The following VTI1A variants were observed in gnomAD, a reference collection of about 807,000 sequenced individuals.
VTI1A encodes the protein vesicle transport through interaction with t-SNAREs homolog 1A.
Under a neutral mutation model 34.9 loss-of-function variants are expected in VTI1A, and 22 were observed. That is an observed-to-expected ratio of 0.63 (90% CI 0.45 to 0.90). The LOEUF (loss-of-function observed/expected upper bound fraction) is 0.90. VTI1A is among the 40% of genes least tolerant of loss of function. The pLI is 0.00. For missense variants in VTI1A, 268 were observed against 275.6 expected, an observed-to-expected ratio of 0.97 and a Z score of 0.20; for synonymous variants, 87 against 97.3, an observed-to-expected ratio of 0.89 and a Z score of 0.62.
At chr10:112,497,202 C>G (rs1325553150) in intron 3 of VTI1A, among the ~76,000 whole-genome samples, 1 of 151,940 alleles carries the variant, frequency 6.6e-6, no homozygotes, top group African/African-American at 2.4e-5. Context: ...CCTGTAATCC[C>G]AGGTACTCGG....
chr10:112,830,501 C>A, the VTI1A span, among the ~76,000 whole-genome samples: 1 of 151,446 alleles, frequency 6.6e-6, no homozygotes, highest in African/African-American at 2.4e-5. Flanking sequence ...TTCCTCCAAT[C>A]TCAAGAAGGT....
At chr10:112,549,488 G>A (rs1442184327) in intron 5 of VTI1A, among the ~76,000 whole-genome samples, 5 of 152,128 alleles carry the variant, frequency 3.3e-5, no homozygotes, top group East Asian at 1.9e-4. Context: ...AAATTGTTGC[G>A]AAAATAACAA....
At chr10:112,647,363 A>G (rs1441572979) in intron 5 of VTI1A, among the ~76,000 whole-genome samples, 1 of 152,232 alleles carries the variant, frequency 6.6e-6, no homozygotes. Flanking sequence ...CTGAATCCAT[A>G]GATATAATCA....
intron 3 of VTI1A, among the ~76,000 whole-genome samples, chr10:112,514,606 A>G (rs1275922199): frequency 6.6e-6 from 1 of 151,058 alleles, no homozygotes; most frequent in Non-Finnish European, 1.5e-5. Context: ...TTTATCTGTT[A>G]TTTTCTTTTT....
Position 112,815,557 on chromosome 10 carries a change from A to T in VTI1A, c.*174A>T, listed in dbSNP as rs1225011312. 3.3e-6 allele frequency: 2 copies of T among 602,644 alleles called. No homozygotes were observed. Among genetic ancestry groups the T allele is most frequent in the East Asian group, 5.7e-5 (2 of 35,304 alleles). The allele number at this position is 602,644 out of a possible 1,614,324, so 37.3% of individuals were successfully genotyped here. ...AAAAATATTTTCTATTCCTGTTTGCATGTGGGTTGGTTTCCTTTTCGAGGT... is the reference window on the plus strand; with the variant it reads ...AAAAATATTTTCTATTCCTGTTTGCTTGTGGGTTGGTTTCCTTTTCGAGGT... On this transcript the variant is annotated 3_prime_UTR_variant, in exon 8 of 8. Transcript: ENST00000393077.
chr10:112,492,822 G>A (rs1219650438), intron 3 of VTI1A, among the ~76,000 whole-genome samples: 1 of 150,868 alleles, frequency 6.6e-6, no homozygotes, highest in Non-Finnish European at 1.5e-5. Context: ...AATTCACATA[G>A]CATAACATTT....
chr10:112,655,580 T>TTGG (rs1367044577), intron 5 of VTI1A, among the ~76,000 whole-genome samples: 1 of 152,136 alleles, frequency 6.6e-6, no homozygotes, highest in South Asian at 2.1e-4. Flanking sequence ...AGGAAGTGTG[T>TTGG]TGGTGGTCTT....
In VTI1A at chr10:112,789,432, C is replaced by A. The variant is rs1358293208; in HGVS notation, c.561-25858C>A. Among the ~76,000 whole-genome samples the A allele has an allele frequency of 2.6e-5, 4 of 152,120 alleles. No individual in the cohort carries two copies. The East Asian group carries it at 7.7e-4, about 29-fold the overall frequency. The stretch of plus-strand genomic sequence containing the variant: ...AGCCATTAATCATATTTGTTATTTG[C>A]CTGTGCATGATGAGTCATTTTTGTC... On this transcript the variant is annotated intron_variant, in intron 7 of 7. Transcript: ENST00000393077.
intron 5 of VTI1A, among the ~76,000 whole-genome samples, chr10:112,554,773 C>G (rs939162988): frequency 6.6e-6 from 1 of 152,028 alleles, no homozygotes; most frequent in Non-Finnish European, 1.5e-5. Context: ...GAATATTTGC[C>G]TCTTCTTTCT....
intron 5 of VTI1A, among the ~76,000 whole-genome samples, chr10:112,603,373 A>G (rs544815623): frequency 1.3e-5 from 2 of 152,328 alleles, no homozygotes; most frequent in Non-Finnish European, 2.9e-5. Flanking sequence ...ATTGATATAT[A>G]GCAGAGGTAG....
chr10:112,780,685 A>G (rs1184132404), intron 7 of VTI1A, among the ~76,000 whole-genome samples: 3 of 152,160 alleles, frequency 2.0e-5, no homozygotes, highest in Non-Finnish European at 4.4e-5. Context: ...AGGAAACTAA[A>G]TATCAGTAAA....
intron 7 of VTI1A, among the ~76,000 whole-genome samples, chr10:112,809,941 G>A (rs527996012): frequency 6.6e-5 from 10 of 152,278 alleles, no homozygotes; most frequent in Admixed American, 5.9e-4. Flanking sequence ...CACATATGCC[G>A]TAGATCAAGG....
chr10:112,628,951 T>C (rs2134608657), intron 5 of VTI1A, among the ~76,000 whole-genome samples: 1 of 152,322 alleles, frequency 6.6e-6, no homozygotes, highest in Non-Finnish European at 1.5e-5. Context: ...ATTGACTCTC[T>C]TTGATACACC....
At chr10:112,764,284 G>A (rs530796367) in intron 7 of VTI1A, among the ~76,000 whole-genome samples, 13 of 152,236 alleles carry the variant, frequency 8.5e-5, no homozygotes, top group South Asian at 4.2e-4. Context: ...TTGATGTGTC[G>A]GTCATTGCAG....
chr10:112,624,925 C>T (rs1172533254), intron 5 of VTI1A, among the ~76,000 whole-genome samples: 1 of 151,934 alleles, frequency 6.6e-6, no homozygotes, highest in Non-Finnish European at 1.5e-5. Flanking sequence ...AGTGAGACCC[C>T]ATCTCTACAA....
At chr10:112,832,355 CTTAG>C in the VTI1A span, 8,563 of 152,264 alleles carry the variant, frequency 0.056, 405 homozygotes, top group African/African-American at 0.13. Flanking sequence ...TTAGTGGGCT[CTTAG>C]TTAGGCTGGA....
the VTI1A span, among the ~76,000 whole-genome samples, chr10:112,849,614 A>G: frequency 6.6e-6 from 1 of 152,212 alleles, no homozygotes; most frequent in African/African-American, 2.4e-5. Context: ...TACCCCTCTG[A>G]AAAGAGCTAA....
At chr10:112,694,266 C>G (rs551710231) in intron 7 of VTI1A, among the ~76,000 whole-genome samples, 1 of 151,902 alleles carries the variant, frequency 6.6e-6, no homozygotes, top group African/African-American at 2.4e-5. Context: ...CCCTCTCCAC[C>G]CCAGAAGCCT....
intron 1 of VTI1A, among the ~76,000 whole-genome samples, chr10:112,451,413 T>C (rs1847234927): frequency 6.6e-6 from 1 of 152,238 alleles, no homozygotes; most frequent in Non-Finnish European, 1.5e-5. Context: ...CTTCAGACTT[T>C]GTCATGTTAA....
Sources: gnomAD v4.1 joint callset for allele counts (sites outside exome capture counted in the v4.1 genomes callset) on GRCh38, gnomAD v4.1.1 for gene constraint, MANE v1.5 for transcripts, NCBI Gene and HGNC (gene_info 2026-07-23, HGNC 2026-07-21) for gene names.